The following MCTP1 variants were observed in gnomAD, a reference collection of about 807,000 sequenced individuals.
The protein encoded by MCTP1 is multiple C2 and transmembrane domain-containing protein 1.
Under a neutral mutation model 120.6 loss-of-function variants are expected in MCTP1, and 69 were observed. That is an observed-to-expected ratio of 0.57 (90% CI 0.47 to 0.70). MCTP1 has a LOEUF of 0.70. Among genes scored for constraint, MCTP1 ranks in the 30% least tolerant of loss-of-function variants. The probability of loss-of-function intolerance (pLI) is 0.00; values close to 1 mark genes in which losing one functional copy is unlikely to be tolerated. For missense variants in MCTP1, 1,203 were observed against 1,248.8 expected, an observed-to-expected ratio of 0.96 and a Z score of 0.55; for synonymous variants, 529 against 493.1, an observed-to-expected ratio of 1.07 and a Z score of -0.96.
intron 1 of MCTP1, among the ~76,000 whole-genome samples, chr5:95,089,204 CT>C (rs1198100471): frequency 6.6e-6 from 1 of 152,078 alleles, no homozygotes; most frequent in African/African-American, 2.4e-5. Context: ...TAGTTTGCAT[CT>C]TTTTTTCCCC....
rs1197836386 is a variant in MCTP1 at position 94,706,832 on chromosome 5, ATGAT to A, written c.*660_*663del. 1 of 151,904 alleles carries A rather than the reference ATGAT, an allele frequency of 6.6e-6. No homozygotes were observed. The highest frequency in any genetic ancestry group is 6.6e-5 in the Admixed American group (1 of 15,210). 9.4% of individuals were successfully genotyped at this position (151,904 alleles called of 1,614,324 possible). ...TAGAGATTTTAAGGTTTTAGATGGA[ATGAT>A]TGATTGAAATTCTATAAAGAAAACT... On this transcript the variant is annotated 3_prime_UTR_variant, in exon 23 of 23. Transcript: ENST00000515393.
chr5:94,950,886 G>A (rs1820358039), intron 3 of MCTP1, among the ~76,000 whole-genome samples: 1 of 150,952 alleles, frequency 6.6e-6, no homozygotes, highest in Non-Finnish European at 1.5e-5. Context: ...GGCGGAGCTT[G>A]CAGTGAGCCG....
intron 1 of MCTP1, among the ~76,000 whole-genome samples, chr5:95,281,850 G>A (rs1451009553): frequency 6.6e-6 from 1 of 152,114 alleles, no homozygotes; most frequent in African/African-American, 2.4e-5. Flanking sequence ...CAGAATATAC[G>A]TAAACTTGCA....
rs1356757972 is a variant in MCTP1 at position 94,873,220 on chromosome 5, A to G, written c.1955T>C (p.Val652Ala). 1.2e-6 allele frequency: 2 copies of G among 1,608,100 alleles called. No individual in the cohort carries two copies. Among genetic ancestry groups the G allele is most frequent in the African/African-American group, 1.3e-5 (1 of 74,866 alleles). Residue 652 changes from valine (V) to alanine (A), a missense_variant, in exon 13 of 23, where the codon GTG becomes GCG. Coordinates refer to ENST00000515393, the MANE Select transcript of MCTP1 (RefSeq NM_024717.7). ...CAGTCTATCGTTGTTCAGTTCTACCACACAAAATGGGTCACTTTTTCCTAC... is the reference window on the plus strand; with the variant it reads ...CAGTCTATCGTTGTTCAGTTCTACCGCACAAAATGGGTCACTTTTTCCTAC... ...DVTGKSDPFC[V>A]VELNNDRLLT... is the part of the protein sequence containing the mutation.
At chr5:94,731,271 T>C (rs950054898) in intron 19 of MCTP1, among the ~76,000 whole-genome samples, 10 of 152,328 alleles carry the variant, frequency 6.6e-5, no homozygotes, top group African/African-American at 2.4e-4. Flanking sequence ...ACAATTCTTC[T>C]TCCATTGTGG....
At chr5:94,997,477 G>C (rs752460593) in intron 2 of MCTP1, among the ~76,000 whole-genome samples, 6 of 152,122 alleles carry the variant, frequency 3.9e-5, no homozygotes, top group Non-Finnish European at 8.8e-5. Flanking sequence ...TCAAACATCT[G>C]GCCTCTCTTT....
intron 1 of MCTP1, among the ~76,000 whole-genome samples, chr5:95,172,294 G>C (rs930415200): frequency 6.6e-6 from 1 of 152,202 alleles, no homozygotes; most frequent in African/African-American, 2.4e-5. Context: ...GTACCTGGCC[G>C]TGTGAGGTGT....
rs144447754 is a variant in MCTP1, at chr5:94,916,567, T to C, written c.1350+1329A>G. Among the ~76,000 whole-genome samples the C allele has an allele frequency of 4.0e-3, 612 of 152,242 alleles. 2 individuals are homozygous for C. Among genetic ancestry groups the C allele is most frequent in the Middle Eastern group, 6.8e-3 (2 of 294 alleles). On this transcript the variant is annotated intron_variant, in intron 8 of 22. Transcript: ENST00000515393. Reference sequence around the variant, plus strand: ...CAGAATCAAAGTTCTGGGGAGCTCATTGAGGGAGTGGGGATGGGCAGAATA... The same window carrying C: ...CAGAATCAAAGTTCTGGGGAGCTCACTGAGGGAGTGGGGATGGGCAGAATA...
intron 19 of MCTP1, among the ~76,000 whole-genome samples, chr5:94,743,130 G>A (rs1293798732): frequency 8.9e-6 from 1 of 112,602 alleles, no homozygotes; most frequent in African/African-American, 3.4e-5. Context: ...AAACACTGAT[G>A]TAACCCAATG....
chr5:95,079,191 C>T (rs982133573), intron 1 of MCTP1, among the ~76,000 whole-genome samples: 6 of 152,096 alleles, frequency 3.9e-5, no homozygotes, highest in Admixed American at 1.3e-4. Context: ...CAAATCTCAG[C>T]ACTTATAACA....
intron 18 of MCTP1, among the ~76,000 whole-genome samples, chr5:94,796,631 T>TAA (rs1780110461): frequency 3.9e-5 from 3 of 76,100 alleles, no homozygotes; most frequent in African/African-American, 7.9e-5. Context: ...ATAATATATA[T>TAA]TATATATGTA....
At chr5:94,776,845 A>G (rs1775458394) in intron 19 of MCTP1, among the ~76,000 whole-genome samples, 1 of 152,210 alleles carries the variant, frequency 6.6e-6, no homozygotes, top group Non-Finnish European at 1.5e-5. Flanking sequence ...CCAAGACGTA[A>G]CATTTACCGC....
intron 1 of MCTP1, among the ~76,000 whole-genome samples, chr5:95,162,224 T>C (rs1373878437): frequency 2.0e-5 from 3 of 152,240 alleles, no homozygotes; most frequent in Admixed American, 6.5e-5. Context: ...TAGAGATTTA[T>C]ATCTACTCAT....
intron 19 of MCTP1, among the ~76,000 whole-genome samples, chr5:94,717,131 CA>C (rs1488952251): frequency 3.3e-5 from 5 of 152,006 alleles, no homozygotes; most frequent in African/African-American, 1.2e-4. Context: ...CAAATAGCCC[CA>C]AATACATTCC....
intron 17 of MCTP1, 57 bp downstream of exon 17, chr5:94,868,276 C>A: frequency 6.8e-7 from 1 of 1,467,658 alleles, no homozygotes; most frequent in South Asian, 1.5e-5. Context: ...CAGAAACATG[C>A]AGCTATGATT....
chr5:95,217,783 G>C (rs766467100), intron 1 of MCTP1, among the ~76,000 whole-genome samples: 1 of 152,164 alleles, frequency 6.6e-6, no homozygotes, highest in Middle Eastern at 3.4e-3. Flanking sequence ...TCATTTAAGG[G>C]ATTCTACCAG....
At chr5:94,864,961 A>G (rs531979072) in intron 17 of MCTP1, among the ~76,000 whole-genome samples, 2 of 152,068 alleles carry the variant, frequency 1.3e-5, no homozygotes, top group East Asian at 1.9e-4. Flanking sequence ...AGACATTTCC[A>G]TGTCTACAAT....
At chr5:95,278,672 T>C (rs1760051738) in intron 1 of MCTP1, among the ~76,000 whole-genome samples, 2 of 152,098 alleles carry the variant, frequency 1.3e-5, no homozygotes, top group African/African-American at 2.4e-5. Context: ...TTTCAAAAAA[T>C]TATTTTCAAG....
intron 19 of MCTP1, among the ~76,000 whole-genome samples, chr5:94,773,200 C>T (rs1437602991): frequency 6.6e-6 from 1 of 152,078 alleles, no homozygotes; most frequent in Non-Finnish European, 1.5e-5. Context: ...TCCAAACATC[C>T]CTCACCCCAG....
Sources: gnomAD v4.1 joint callset for allele counts (sites outside exome capture counted in the v4.1 genomes callset) on GRCh38, gnomAD v4.1.1 for gene constraint, MANE v1.5 for transcripts, NCBI Gene and HGNC (gene_info 2026-07-23, HGNC 2026-07-21) for gene names.